The following RSBN1L variants were observed in gnomAD, a reference collection of about 807,000 sequenced individuals.
The protein encoded by RSBN1L is lysine-specific demethylase RSBN1L.
A neutral mutation model predicts 67.7 loss-of-function variants in RSBN1L; 30 were observed. The ratio of observed to expected loss-of-function variants is 0.44; its 90% confidence interval spans 0.33 to 0.60. The LOEUF is 0.60. Among genes scored for constraint, RSBN1L ranks in the 20% least tolerant of loss-of-function variants. The probability of loss-of-function intolerance (pLI) is 0.02; values close to 1 mark genes in which losing one functional copy is unlikely to be tolerated. For missense variants in RSBN1L, 992 were observed against 1,031.7 expected (o/e 0.96, Z 0.53); for synonymous variants, 433 against 387.0 (o/e 1.12, Z -1.39).
chr7:77,719,984 T>G (rs1791094702), intron 1 of RSBN1L, among the ~76,000 whole-genome samples: 1 of 152,176 alleles, frequency 6.6e-6, no homozygotes, highest in Non-Finnish European at 1.5e-5. Context: ...AGGCTGGCCT[T>G]GAACTCCTGG....
chr7:77,768,726 T>A lies in RSBN1L; in HGVS notation c.1548T>A (p.Gly516=). The part of the protein sequence containing the change: ...KLQSRKDSDD[G]PIMWVRPGEQ... Reference sequence around the variant, plus strand: ...AGAGTCGAAAAGATAGTGATGATGGTCCCATCATGTGGGTTCGTCCAGGAG... The same window carrying A: ...AGAGTCGAAAAGATAGTGATGATGGACCCATCATGTGGGTTCGTCCAGGAG... Residue 516 remains glycine, a synonymous_variant, in exon 5 of 8, where the codon GGT becomes GGA. Coordinates refer to ENST00000334955, the MANE Select transcript of RSBN1L (RefSeq NM_198467.3). The A allele has an allele frequency of 6.2e-7, 1 of 1,612,686 alleles. No homozygotes were observed.
intron 2 of RSBN1L, 79 bp downstream of exon 2, chr7:77,736,605 A>T: frequency 7.7e-6 from 6 of 784,156 alleles, no homozygotes; most frequent in Non-Finnish European, 1.1e-5. Flanking sequence ...TAAAATAAGA[A>T]ATGTTATTTG....
At chr7:77,712,430 G>A (rs1790987715) in intron 1 of RSBN1L, among the ~76,000 whole-genome samples, 1 of 151,874 alleles carries the variant, frequency 6.6e-6, no homozygotes, top group South Asian at 2.1e-4. Flanking sequence ...ATAGACACGT[G>A]CCATCATGAC....
intron 3 of RSBN1L, 52 bp from the exon 4 acceptor site, chr7:77,765,440 ATTC>A: frequency 7.4e-7 from 1 of 1,345,488 alleles, no homozygotes; most frequent in Non-Finnish European, 1.0e-6. Flanking sequence ...TTAAATCCAT[ATTC>A]TTCAGGTAAA....
Position 77,779,034 on chromosome 7 carries a change from G to T in RSBN1L, c.2407G>T (p.Asp803Tyr). The T allele has an allele frequency of 6.2e-7, 1 of 1,613,976 alleles. No individual in the cohort carries two copies. Among genetic ancestry groups the T allele is most frequent in the Non-Finnish European group, 8.5e-7 (1 of 1,179,952 alleles). Residue 803 changes from aspartate (D) to tyrosine (Y), a missense_variant, in exon 8 of 8, where the codon GAT (aspartate) becomes TAT (tyrosine). Asp to Tyr is a radical substitution (Grantham distance 160). Around this residue, in one of 7 missense-constraint regions of RSBN1L, gnomAD observed 199 missense variants for 167.7 expected, o/e 1.19. Transcript: ENST00000334955. ...VQFAEFKIDM[D>Y]SKFENSNKDL... ...ATTTGCAGAATTTAAGATTGACATG[G>T]ATTCTAAATTTGAAAATAGCAACAA...
In RSBN1L at chr7:77,780,967, T is replaced by G. The variant is rs552763311; in HGVS notation, c.*1799T>G. ...TTTGGTATTATTCTGGGCACATACT[T>G]TGGTTGATGACTTTCAATTGGGGTT... On this transcript the variant is annotated 3_prime_UTR_variant, in exon 8 of 8. Coordinates refer to ENST00000334955, the MANE Select transcript of RSBN1L (RefSeq NM_198467.3). 6.6e-6 allele frequency: 1 copy of G among 152,244 alleles called. No individual in the cohort carries two copies. The highest frequency in any genetic ancestry group is 2.4e-5 in the African/African-American group (1 of 41,464). 9.4% of individuals were successfully genotyped at this position (152,244 alleles called of 1,614,324 possible). A position where few individuals can be genotyped will look rare whatever the true frequency, so the allele number is the denominator to read the frequency against.
Position 77,778,588 on chromosome 7 carries a change from A to C in RSBN1L, c.1961A>C (p.Tyr654Ser). 11 of 1,614,078 alleles carry C rather than the reference A, an allele frequency of 6.8e-6. No individual in the cohort carries two copies. The highest frequency in any genetic ancestry group is 9.3e-6 in the Non-Finnish European group (11 of 1,179,932). The change falls in exon 8 of 8, where the codon TAT becomes TCT. Residue 654 changes from tyrosine (Y) to serine (S), a missense_variant. Physicochemically the swap from Tyr to Ser is moderately radical, Grantham distance 144 (BLOSUM62 -2). This residue lies in a region of RSBN1L where 55 missense variants were observed against 112.8 expected (regional missense o/e 0.49). Coordinates refer to ENST00000334955, the MANE Select transcript of RSBN1L (RefSeq NM_198467.3). ...LNQLRREGIR[Y>S]ARIQLYDNDI... ...CAACTGAGGAGGGAAGGCATTCGCT[A>C]TGCCAGGATTCAGCTATATGATAAT...
At position 77,779,285 on chromosome 7, in the gene RSBN1L, T is replaced by A; in HGVS notation, c.*117T>A. On this transcript the variant is annotated 3_prime_UTR_variant, in exon 8 of 8. Coordinates refer to ENST00000334955, the MANE Select transcript of RSBN1L (RefSeq NM_198467.3). ...TGTCTGTTACAAAACATAGTTTATGTAGCTTTGTAACATTCCTCAGTGCCT... is the reference window on the plus strand; with the variant it reads ...TGTCTGTTACAAAACATAGTTTATGAAGCTTTGTAACATTCCTCAGTGCCT... The A allele has an allele frequency of 1.3e-6, 1 of 745,856 alleles. No homozygotes were observed. The highest frequency in any genetic ancestry group is 2.2e-6 in the Non-Finnish European group (1 of 460,484). The allele number at this position is 745,856 out of a possible 1,614,324, so 46.2% of individuals were successfully genotyped here.
intron 1 of RSBN1L, among the ~76,000 whole-genome samples, chr7:77,733,120 C>T (rs1181870748): frequency 6.6e-6 from 1 of 151,972 alleles, no homozygotes; most frequent in African/African-American, 2.4e-5. Flanking sequence ...ATAGCGAGAC[C>T]CTGTCTCTAT....
rs192464777 is a variant in RSBN1L at position 77,744,108 on chromosome 7, A to G, written c.704-5316A>G. On this transcript the variant is annotated intron_variant, in intron 2 of 7. Transcript: ENST00000334955. ...GTGCAGTGGCATGATCATGGCTCAC[A>G]GCATCCTCAACCTACTGTGCTCAAG... 1.5e-3 allele frequency among the ~76,000 whole-genome samples: 235 copies of G among 151,930 alleles called. 2 individuals carry two copies. The highest frequency in any genetic ancestry group is 2.5e-3 in the Non-Finnish European group (167 of 67,956).
intron 1 of RSBN1L, among the ~76,000 whole-genome samples, chr7:77,716,238 C>T (rs185251948): frequency 2.5e-4 from 38 of 152,204 alleles, no homozygotes; most frequent in Non-Finnish European, 4.6e-4. Context: ...CATTTAGGTC[C>T]GCAATGCATT....
At chr7:77,777,355 T>G (rs1347428894) in intron 6 of RSBN1L, among the ~76,000 whole-genome samples, 1 of 152,088 alleles carries the variant, frequency 6.6e-6, no homozygotes, top group African/African-American at 2.4e-5. Context: ...TTCATAGATC[T>G]ACATTTTCAT....
At chr7:77,724,645 C>G (rs1311329790) in intron 1 of RSBN1L, among the ~76,000 whole-genome samples, 1 of 150,288 alleles carries the variant, frequency 6.7e-6, no homozygotes, top group Non-Finnish European at 1.5e-5. Flanking sequence ...AGGCTGGTCT[C>G]GAACTCCCGA....
chr7:77,741,986 A>C (rs1367419396), intron 2 of RSBN1L, among the ~76,000 whole-genome samples: 1 of 151,886 alleles, frequency 6.6e-6, no homozygotes, highest in Non-Finnish European at 1.5e-5. Context: ...TGATTTGCTG[A>C]AAGGATTCAC....
chr7:77,738,595 T>G (rs1379446259), intron 2 of RSBN1L, among the ~76,000 whole-genome samples: 2 of 152,130 alleles, frequency 1.3e-5, no homozygotes, highest in Non-Finnish European at 2.9e-5. Flanking sequence ...TACTGAGTAG[T>G]AAATAGTTAT....
chr7:77,762,235 T>C (rs1016480866), intron 3 of RSBN1L, among the ~76,000 whole-genome samples: 1 of 150,548 alleles, frequency 6.6e-6, no homozygotes, highest in Non-Finnish European at 1.5e-5. Flanking sequence ...AGAGTCTGTA[T>C]TACTTTACTT....
chr7:77,775,527 T>A (rs1042846276), intron 6 of RSBN1L, among the ~76,000 whole-genome samples: 7 of 152,270 alleles, frequency 4.6e-5, no homozygotes, highest in Admixed American at 1.3e-4. Flanking sequence ...TCATTTCAGT[T>A]CAGGATATCT....
At chr7:77,738,321 C>T (rs1421058010) in intron 2 of RSBN1L, among the ~76,000 whole-genome samples, 1 of 151,890 alleles carries the variant, frequency 6.6e-6, no homozygotes, top group East Asian at 1.9e-4. Context: ...ATGAAATATA[C>T]GATATTAACT....
intron 1 of RSBN1L, among the ~76,000 whole-genome samples, chr7:77,709,298 CT>C (rs916743894): frequency 2.0e-5 from 3 of 149,796 alleles, no homozygotes; most frequent in African/African-American, 7.4e-5. Flanking sequence ...TTTTTCTTTT[CT>C]TTTTTTTTGA....
Sources: allele counts gnomAD v4.1 joint callset (sites outside exome capture counted in the v4.1 genomes callset), GRCh38; gene constraint gnomAD v4.1.1; regional missense constraint gnomAD v4.1.1; transcripts MANE v1.5; gene names NCBI Gene and HGNC (gene_info 2026-07-23, HGNC 2026-07-21).